Variants in LY9 observed in about 807,000 individuals in gnomAD.
LY9 encodes the protein lymphocyte antigen 9.
Under a neutral mutation model 64.6 loss-of-function variants are expected in LY9, and 59 were observed. That is an observed-to-expected ratio of 0.91 (90% CI 0.74 to 1.13). LY9 has a LOEUF of 1.13. Ranked by LOEUF, LY9 falls within the 50% of genes most tolerant of loss-of-function variation. The pLI is 0.00. For missense variants in LY9, 789 were observed against 797.2 expected (o/e 0.99, Z 0.12); for synonymous variants, 281 against 308.5 (o/e 0.91, Z 0.93).
In LY9 at chr1:160,813,813, G is replaced by T. The variant is rs138731500; in HGVS notation, c.632G>T (p.Arg211Leu). The T allele has an allele frequency of 1.2e-6, 2 of 1,613,966 alleles. No individual in the cohort carries two copies. Among genetic ancestry groups the T allele is most frequent in the African/African-American group, 1.3e-5 (1 of 74,870 alleles). The change falls in exon 3 of 10, where the codon CGA becomes CTA. Residue 211 changes from arginine to leucine, a missense_variant. By Grantham distance (102) the Arg-to-Leu change is moderately radical. Coordinates refer to ENST00000263285, the MANE Select transcript of LY9 (RefSeq NM_002348.4). ...SNGGSILTVS[R>L]TPCDPDLPYI... ...GGAGGCTCCATTCTTACCGTCTCCC[G>T]AACACCATGTGACCCAGACCTGCCA... is the stretch of plus-strand genomic sequence containing the variant.
chr1:160,825,321 T>C (rs572098678), intron 9 of LY9, among the ~76,000 whole-genome samples: 37 of 152,356 alleles, frequency 2.4e-4, no homozygotes, highest in African/African-American at 8.4e-4. Context: ...TTGATACACA[T>C]TCTTCTTTGA....
intron 9 of LY9, among the ~76,000 whole-genome samples, chr1:160,825,800 C>G (rs918119116): frequency 6.6e-6 from 1 of 152,104 alleles, no homozygotes; most frequent in Admixed American, 6.5e-5. Context: ...ATCCCAGCTA[C>G]TCAGGAGGCT....
chr1:160,817,373 A>C (rs1211501067), intron 5 of LY9, among the ~76,000 whole-genome samples: 2 of 152,212 alleles, frequency 1.3e-5, no homozygotes, highest in Non-Finnish European at 2.9e-5. Context: ...ATTTAAACTA[A>C]AACTAAATAA....
At chr1:160,810,491 ACTGT>A (rs1667386859) in intron 2 of LY9, 1 of 152,178 alleles carries the variant, frequency 6.6e-6, no homozygotes, top group Non-Finnish European at 1.5e-5. Flanking sequence ...CATCGGTCAT[ACTGT>A]ATTAGGGTTC....
intron 6 of LY9, among the ~76,000 whole-genome samples, chr1:160,819,046 A>C (rs1421595879): frequency 2.6e-5 from 4 of 152,192 alleles, no homozygotes; most frequent in African/African-American, 9.7e-5. Flanking sequence ...AATTGCAGGC[A>C]AACTACTCTG....
At chr1:160,820,527 T>C (rs1557815176) in intron 7 of LY9, among the ~76,000 whole-genome samples, 1 of 152,210 alleles carries the variant, frequency 6.6e-6, no homozygotes, top group Non-Finnish European at 1.5e-5. Flanking sequence ...CGATATGGGC[T>C]CTTCTGATGG....
In LY9 at chr1:160,823,722, G is replaced by A. The variant is rs201014786; in HGVS notation, c.1756G>A (p.Val586Ile). ...TGAGGGCCAAGCAGACTATGATCCC[G>A]TCACTCCATATGTCACGGAAGTTGA... ...APEGQADYDPVTPYVTEVESV... is the reference protein window; with the variant it reads ...APEGQADYDPITPYVTEVESV... The change falls in exon 8 of 10, where the codon GTC (valine) becomes ATC (isoleucine). Residue 586 changes from valine to isoleucine, a missense_variant. By Grantham distance (29) the Val-to-Ile change is conservative. Transcript: ENST00000263285. The A allele has an allele frequency of 3.8e-5, 61 of 1,614,174 alleles. No homozygotes were observed. In the East Asian group the frequency reaches 6.2e-4, roughly 17 times the overall value.
chr1:160,806,999 C>T (rs1034904815), intron 2 of LY9, among the ~76,000 whole-genome samples: 1 of 152,052 alleles, frequency 6.6e-6, no homozygotes, highest in African/African-American at 2.4e-5. Flanking sequence ...CTTTCTTCAG[C>T]CTAATCTAGT....
At chr1:160,817,173 A>C (rs189111588) in intron 5 of LY9, among the ~76,000 whole-genome samples, 2 of 152,334 alleles carry the variant, frequency 1.3e-5, no homozygotes, top group East Asian at 1.9e-4. Context: ...TTTTGTACTA[A>C]GTCTTTGAGA....
At chr1:160,802,479 G>A (rs1406579633) in intron 2 of LY9, 13 of 985,524 alleles carry the variant, frequency 1.3e-5, no homozygotes, top group African/African-American at 7.0e-5. Context: ...CCCATGATGC[G>A]GAGCTGGCCT....
At chr1:160,817,648 A>G (rs1013259995) in intron 5 of LY9, among the ~76,000 whole-genome samples, 4 of 152,204 alleles carry the variant, frequency 2.6e-5, no homozygotes, top group African/African-American at 7.2e-5. Flanking sequence ...AATCCTACAG[A>G]GTAGATATTC....
intron 4 of LY9, among the ~76,000 whole-genome samples, 159 bp from the exon 5 acceptor site, chr1:160,816,435 G>A (rs1300287100): frequency 6.6e-6 from 1 of 152,218 alleles, no homozygotes; most frequent in Non-Finnish European, 1.5e-5. Context: ...AAGTAGTGAG[G>A]AAAATGCCAG....
In LY9 at chr1:160,819,318, C is replaced by T. The variant is rs780618105; in HGVS notation, c.1445-3C>T. 6.2e-7 allele frequency: 1 copy of T among 1,612,946 alleles called. No homozygotes were observed. The highest frequency in any genetic ancestry group is 8.5e-7 in the Non-Finnish European group (1 of 1,179,040). Reference sequence around the variant, plus strand: ...ATAAACCTTCTCTAACTTTGTTTCTCAGGTTCAGTCCCAGCCTTCTGTTCC... The same window carrying T: ...ATAAACCTTCTCTAACTTTGTTTCTTAGGTTCAGTCCCAGCCTTCTGTTCC... On this transcript the variant is annotated splice_region_variant and splice_polypyrimidine_tract_variant and intron_variant, in intron 6 of 9. Coordinates refer to ENST00000263285, the MANE Select transcript of LY9 (RefSeq NM_002348.4).
intron 2 of LY9, among the ~76,000 whole-genome samples, chr1:160,803,646 C>T (rs1666713299): frequency 2.0e-5 from 3 of 152,118 alleles, no homozygotes; most frequent in Admixed American, 6.5e-5. Context: ...TATCCTGCAA[C>T]TTTAATGAAT....
At position 160,824,241 on chromosome 1, in the gene LY9, A is replaced by T. The variant is rs1390260114; in HGVS notation, c.1891A>T (p.Lys631Ter). The part of the protein sequence containing the change: ...SSATIYCSIR[K>*]PQVVPPPQQN... Reference sequence around the variant, plus strand: ...AGCCACAATCTACTGCTCCATACGGAAACCTCAGGTGGTGAGAACTACATT... The same window carrying T: ...AGCCACAATCTACTGCTCCATACGGTAACCTCAGGTGGTGAGAACTACATT... The change falls in exon 9 of 10, where the codon AAA becomes TAA. Residue 631 changes from lysine (K) to a stop codon, truncating the protein, a stop_gained. Transcript: ENST00000263285. LOFTEE classifies it low-confidence loss of function (END_TRUNC). The T allele has an allele frequency of 1.1e-5, 18 of 1,614,158 alleles. No homozygotes were observed. The highest frequency in any genetic ancestry group is 1.5e-5 in the Non-Finnish European group (18 of 1,179,994).
At chr1:160,797,101 C>T in intron 1 of LY9, 1 of 985,488 alleles carries the variant, frequency 1.0e-6, no homozygotes, top group African/African-American at 1.7e-5. Context: ...CTTATTCCTC[C>T]CTATCAAGGC....
intron 1 of LY9, chr1:160,797,071 G>A (rs1279938150): frequency 2.0e-6 from 2 of 981,970 alleles, no homozygotes; most frequent in Admixed American, 6.2e-5. Flanking sequence ...CGTTTATCTG[G>A]ATATCCTTTT....
rs757039209 is a variant in LY9, at chr1:160,813,755, AC to A, written c.578del (p.Pro193GlnfsTer66). 9.0e-5 allele frequency: 146 copies of A among 1,614,054 alleles called. 2 individuals carry two copies. In the South Asian group the frequency reaches 1.5e-3, roughly 17 times the overall value. ...GAEKSVLYSW[T>X]PREPHASESN... ...AGAGAAAAGTGTTCTGTACAGCTGGACCCCAAGGGAACCCCATGCTTCTGAG... is the reference window on the plus strand; with the variant it reads ...AGAGAAAAGTGTTCTGTACAGCTGGACCCAAGGGAACCCCATGCTTCTGAG... On this transcript the variant is annotated frameshift_variant, in exon 3 of 10. Transcript: ENST00000263285. LOFTEE classifies it high-confidence loss of function.
At position 160,827,811 on chromosome 1, in the gene LY9, A is replaced by G. The variant is rs1374182814; in HGVS notation, c.1963A>G (p.Thr655Ala). 2 of 1,605,444 alleles carry G rather than the reference A, an allele frequency of 1.2e-6. No individual in the cohort carries two copies. Among genetic ancestry groups the G allele is most frequent in the Non-Finnish European group, 1.7e-6 (2 of 1,176,260 alleles). ...TGAAAGTCCTACCTATGAAAATTTCACCTGAAAGGAAAAGCAGCTGCTGCC... is the reference window on the plus strand; with the variant it reads ...TGAAAGTCCTACCTATGAAAATTTCGCCTGAAAGGAAAAGCAGCTGCTGCC... ...IPESPTYENF[T>A] Residue 655 changes from threonine (T) to alanine (A), a missense_variant, in exon 10 of 10, where the codon ACC (threonine) becomes GCC (alanine). Transcript: ENST00000263285.
Sources: gnomAD v4.1 joint callset for allele counts (sites outside exome capture counted in the v4.1 genomes callset) on GRCh38, gnomAD v4.1.1 for gene constraint, MANE v1.5 for transcripts, NCBI Gene and HGNC (gene_info 2026-07-23, HGNC 2026-07-21) for gene names.